The following HMGCLL1 variants were observed in gnomAD, a reference collection of about 807,000 sequenced individuals.
HMGCLL1 encodes the protein 3-hydroxy-3-methylglutaryl-CoA lyase like 1.
HMGCLL1 carries 36 observed loss-of-function variants against 39.1 expected under a neutral mutation model. The ratio of observed to expected loss-of-function variants is 0.92; its 90% CI spans 0.71 to 1.22. The LOEUF (loss-of-function observed/expected upper bound fraction) is 1.22, where lower values mean the gene tolerates loss of function less well. HMGCLL1 is among the 50% of genes most tolerant of loss of function. The pLI is 0.00. For synonymous variants in HMGCLL1, 149 were observed against 144.0 expected (o/e 1.03, Z -0.25); for missense variants, 451 against 416.5 (o/e 1.08, Z -0.72).
chr6:55,674,867 A>T, the HMGCLL1 span, among the ~76,000 whole-genome samples: 1 of 152,100 alleles, frequency 6.6e-6, no homozygotes, highest in Non-Finnish European at 1.5e-5. Context: ...GGCTTCAATT[A>T]AGGCAAGAGA....
chr6:55,589,660 C>T, the HMGCLL1 span, among the ~76,000 whole-genome samples: 1 of 152,132 alleles, frequency 6.6e-6, no homozygotes, highest in Non-Finnish European at 1.5e-5. Flanking sequence ...ACCCCATTGT[C>T]TCAGCCAAAA....
chr6:55,442,210 G>A (rs1268754801), intron 7 of HMGCLL1, among the ~76,000 whole-genome samples: 4 of 151,994 alleles, frequency 2.6e-5, no homozygotes, highest in Non-Finnish European at 2.9e-5. Context: ...TGTACGTTTT[G>A]GAAAAATGTC....
Position 55,543,452 on chromosome 6 carries a change from G to C in HMGCLL1, c.109-1312C>G, listed in dbSNP as rs74207406. Among the ~76,000 whole-genome samples the C allele has an allele frequency of 4.2e-3, 353 of 84,658 alleles. 12 individuals are homozygous for C. Among genetic ancestry groups the C allele is most frequent in the African/African-American group, 0.017 (300 of 17,534 alleles). 55.5% of individuals were successfully genotyped at this position (84,658 alleles called of 152,430 possible). ...ATCATATATCATATATGATATATATGATATATATCATATATATCATATATA... is the reference window on the plus strand; with the variant it reads ...ATCATATATCATATATGATATATATCATATATATCATATATATCATATATA... On this transcript the variant is annotated intron_variant, in intron 1 of 8. Transcript: ENST00000274901.
chr6:55,625,071 C>A, the HMGCLL1 span, among the ~76,000 whole-genome samples: 2 of 152,080 alleles, frequency 1.3e-5, no homozygotes, highest in African/African-American at 4.8e-5. Context: ...GAGCCTTTGG[C>A]AGGTTCCAAT....
upstream of HMGCLL1, chr6:55,579,355 C>G (rs1019431385): frequency 2.1e-6 from 1 of 484,546 alleles, no homozygotes; most frequent in Admixed American, 3.3e-5. Flanking sequence ...TCTCATTTTC[C>G]GCACTACACT....
intron 5 of HMGCLL1, among the ~76,000 whole-genome samples, chr6:55,508,692 T>C (rs1181713758): frequency 1.3e-5 from 2 of 151,836 alleles, no homozygotes; most frequent in East Asian, 3.9e-4. Flanking sequence ...TTGACATATA[T>C]AATAAAAGAA....
upstream of HMGCLL1, chr6:55,579,224 G>A (rs557781835): frequency 6.9e-5 from 42 of 611,420 alleles, no homozygotes; most frequent in African/African-American, 7.2e-4. Context: ...GGCGGGGAGT[G>A]GGGCGTGGCA....
chr6:55,602,829 T>C, the HMGCLL1 span, among the ~76,000 whole-genome samples: 1 of 152,230 alleles, frequency 6.6e-6, no homozygotes, highest in African/African-American at 2.4e-5. Context: ...CATATAAAAG[T>C]TGAGATCTGT....
At chr6:55,636,536 G>T in the HMGCLL1 span, among the ~76,000 whole-genome samples, 1 of 152,042 alleles carries the variant, frequency 6.6e-6, no homozygotes. Flanking sequence ...TTCAATTGCT[G>T]GTAAGCTAAA....
the HMGCLL1 span, among the ~76,000 whole-genome samples, chr6:55,606,186 G>A: frequency 6.6e-6 from 1 of 152,054 alleles, no homozygotes; most frequent in African/African-American, 2.4e-5. Flanking sequence ...TCGAGCTACA[G>A]ACAGAAGTTC....
the HMGCLL1 span, among the ~76,000 whole-genome samples, chr6:55,623,068 CAA>C: frequency 6.6e-6 from 1 of 151,924 alleles, no homozygotes; most frequent in African/African-American, 2.4e-5. Flanking sequence ...ATAATAGTCT[CAA>C]TGATTCTTTG....
chr6:55,456,809 G>C (rs555062167), intron 7 of HMGCLL1, among the ~76,000 whole-genome samples: 1 of 152,114 alleles, frequency 6.6e-6, no homozygotes, highest in Admixed American at 6.5e-5. Flanking sequence ...AGCCTATAGG[G>C]CTCACTGCTA....
upstream of HMGCLL1, among the ~76,000 whole-genome samples, chr6:55,581,485 G>A (rs1771985633): frequency 6.6e-6 from 1 of 151,910 alleles, no homozygotes. Flanking sequence ...AGTAAAGTTT[G>A]GTGTTAATTT....
intron 1 of HMGCLL1, among the ~76,000 whole-genome samples, chr6:55,543,773 T>A (rs1473430368): frequency 6.6e-6 from 1 of 151,366 alleles, no homozygotes; most frequent in Non-Finnish European, 1.5e-5. Context: ...CTTGGAAGGC[T>A]GAGGTGGGAA....
chr6:55,606,556 T>A, the HMGCLL1 span, among the ~76,000 whole-genome samples: 9 of 152,038 alleles, frequency 5.9e-5, no homozygotes, highest in Admixed American at 3.3e-4. Context: ...TATAAACTAA[T>A]AGTTTTTTTA....
At chr6:55,456,100 C>T (rs1764309209) in intron 7 of HMGCLL1, among the ~76,000 whole-genome samples, 1 of 152,038 alleles carries the variant, frequency 6.6e-6, no homozygotes, top group Non-Finnish European at 1.5e-5. Context: ...TATAAGCTTC[C>T]AGATGGCATA....
chr6:55,560,714 T>C (rs1770905536), intron 1 of HMGCLL1, among the ~76,000 whole-genome samples: 1 of 152,296 alleles, frequency 6.6e-6, no homozygotes, highest in Middle Eastern at 3.4e-3. Context: ...TCCATGTTCA[T>C]TTGGCTGTGC....
At chr6:55,661,480 A>T in the HMGCLL1 span, among the ~76,000 whole-genome samples, 382 of 152,016 alleles carry the variant, frequency 2.5e-3, 4 homozygotes, top group Non-Finnish European at 3.3e-3. Context: ...TTCTTTCCCC[A>T]GTGCTTGTTT....
Position 55,523,415 on chromosome 6 carries a change from G to C in HMGCLL1, c.298-6812C>G, listed in dbSNP as rs1768140148. Among the ~76,000 whole-genome samples the C allele has an allele frequency of 2.6e-5, 4 of 152,044 alleles. No homozygotes were observed. The South Asian group carries it at 6.2e-4, about 24-fold the overall frequency. ...ATAGCAGTGAAACGGTGTGAGATGA[G>C]AAGAAAAAAGGGGAGTTATACAAAG... On this transcript the variant is annotated intron_variant, in intron 3 of 8. Coordinates refer to ENST00000274901, the MANE Select transcript of HMGCLL1 (RefSeq NM_001042406.2).
Sources: allele counts gnomAD v4.1 joint callset (sites outside exome capture counted in the v4.1 genomes callset), GRCh38; gene constraint gnomAD v4.1.1; transcripts MANE v1.5; gene names NCBI Gene and HGNC (gene_info 2026-07-23, HGNC 2026-07-21).